The following PKN2 variants were observed in gnomAD, a reference collection of about 807,000 sequenced individuals.
The protein encoded by PKN2 is protein kinase N2.
In PKN2, 38 loss-of-function variants were observed where a neutral mutation model predicts 119.1. The observed-to-expected ratio is 0.32, with a 90% CI of 0.25 to 0.42. The LOEUF (loss-of-function observed/expected upper bound fraction) is 0.42. Among genes scored for constraint, PKN2 ranks in the 10% least tolerant of loss-of-function variants. PKN2 has a pLI of 1.00. For synonymous variants in PKN2, 390 were observed against 384.9 expected (o/e 1.01, Z -0.15); for missense variants, 850 against 1,165.1 (o/e 0.73, Z 3.94).
chr1:88,807,501 T>G (rs1332858876), intron 13 of PKN2, 28 bp from the exon 14 acceptor site: 1 of 1,603,186 alleles, frequency 6.2e-7, no homozygotes, highest in Non-Finnish European at 8.5e-7. Flanking sequence ...TTTATTGTCT[T>G]ATTATTAATT....
chr1:88,765,301 A>C (rs529977845), intron 3 of PKN2, among the ~76,000 whole-genome samples: 1 of 151,146 alleles, frequency 6.6e-6, no homozygotes, highest in African/African-American at 2.4e-5. Flanking sequence ...AAAAAAAGAC[A>C]TGTCTCCTGT....
At position 88,770,969 on chromosome 1, in the gene PKN2, TATTGATCTAG is replaced by T. The variant is rs1475781702; in HGVS notation, c.623-450_623-441del. On this transcript the variant is annotated intron_variant, in intron 4 of 21. Coordinates refer to ENST00000370521, the MANE Select transcript of PKN2 (RefSeq NM_006256.4). The stretch of plus-strand genomic sequence containing the variant: ...ATTTGGCCCTTATGTTTCAAGAAGA[TATTGATCTAG>T]AATGTATCTCTTCATTTAAATAGAT... 2.8e-4 allele frequency among the ~76,000 whole-genome samples: 43 copies of T among 151,918 alleles called. No homozygotes were observed. The East Asian group carries it at 4.1e-3, about 14-fold the overall frequency.
In PKN2 at chr1:88,833,240, T is replaced by A; in HGVS notation, c.2752-5T>A. ...AAACTAGTCATTTTTTATTTTATGATCCAGCTAATTGATTGGAGCGCTCTG... is the reference window on the plus strand; with the variant it reads ...AAACTAGTCATTTTTTATTTTATGAACCAGCTAATTGATTGGAGCGCTCTG... On this transcript the variant is annotated splice_region_variant and splice_polypyrimidine_tract_variant and intron_variant, in intron 21 of 21. Transcript: ENST00000370521. 1 of 1,612,278 alleles carries A rather than the reference T, an allele frequency of 6.2e-7. No homozygotes were observed. Among genetic ancestry groups the A allele is most frequent in the Non-Finnish European group, 8.5e-7 (1 of 1,179,088 alleles).
At chr1:88,710,224 A>G (rs537862876) in intron 1 of PKN2, among the ~76,000 whole-genome samples, 2 of 152,308 alleles carry the variant, frequency 1.3e-5, no homozygotes, top group South Asian at 2.1e-4. Flanking sequence ...CCATATTAGT[A>G]TAGAACATAG....
At chr1:88,789,877 T>C (rs1009040710) in intron 8 of PKN2, among the ~76,000 whole-genome samples, 2 of 152,154 alleles carry the variant, frequency 1.3e-5, no homozygotes, top group Admixed American at 1.3e-4. Context: ...ATTATAACTA[T>C]AAAGATTGTC....
In PKN2 at chr1:88,836,064, C is replaced by T. The variant is rs1672932374; in HGVS notation, c.*2616C>T. 6.6e-6 allele frequency: 1 copy of T among 151,824 alleles called. No homozygotes were observed. The highest frequency in any genetic ancestry group is 2.1e-4 in the South Asian group (1 of 4,826). The allele number at this position is 151,824 out of a possible 1,614,324, so 9.4% of individuals were successfully genotyped here. A position where few individuals can be genotyped will look rare whatever the true frequency, so the allele number is the denominator to read the frequency against. On this transcript the variant is annotated 3_prime_UTR_variant, in exon 22 of 22. Transcript: ENST00000370521. ...TTGAAGCATATTTATGGACTGCTTA[C>T]TGTGTATAGATACTGAGAATAGGAA...
At chr1:88,758,743 G>GGTGT (rs555677535) in intron 2 of PKN2, among the ~76,000 whole-genome samples, 49 of 151,364 alleles carry the variant, frequency 3.2e-4, no homozygotes, top group African/African-American at 9.9e-4. Flanking sequence ...AATATTCCAT[G>GGTGT]GTGTGTGTGT....
At chr1:88,736,774 GGGCGATTATTGTGTTCTTT>G (rs1199043786) in intron 1 of PKN2, among the ~76,000 whole-genome samples, 1 of 152,180 alleles carries the variant, frequency 6.6e-6, no homozygotes, top group Non-Finnish European at 1.5e-5. Context: ...ATTCTAAGCA[GGGCGATTATTGTGTTCTTT>G]GAGCCCTTGG....
chr1:88,821,947 T>C lies in PKN2; in HGVS notation c.2286T>C (p.Tyr762=). The C allele has an allele frequency of 6.3e-7, 1 of 1,576,182 alleles. No individual in the cohort carries two copies. Among genetic ancestry groups the C allele is most frequent in the South Asian group, 1.2e-5 (1 of 83,572 alleles). The part of the protein sequence containing the change: ...DVFSEPRAVF[Y]AACVVLGLQY... Reference sequence around the variant, plus strand: ...GATTTAATTCTTCAAACAGATTTTATGCTGCTTGTGTAGTTCTTGGGTTGC... The same window carrying C: ...GATTTAATTCTTCAAACAGATTTTACGCTGCTTGTGTAGTTCTTGGGTTGC... The change falls in exon 17 of 22, where the codon TAT becomes TAC. Residue 762 remains tyrosine (Y), a synonymous_variant. Coordinates refer to ENST00000370521, the MANE Select transcript of PKN2 (RefSeq NM_006256.4).
In PKN2 at chr1:88,806,147, T is replaced by TTTTTTG. The variant is rs772320852; in HGVS notation, c.1803+148_1803+153dup. 62 of 863,518 alleles carry TTTTTTG rather than the reference T, an allele frequency of 7.2e-5. 1 individual carries two copies. In the South Asian group the frequency reaches 1.0e-3, roughly 14 times the overall value. The allele number at this position is 863,518 out of a possible 1,614,324, so 53.5% of individuals were successfully genotyped here. On this transcript the variant is annotated intron_variant, in intron 12 of 21. Coordinates refer to ENST00000370521, the MANE Select transcript of PKN2 (RefSeq NM_006256.4). ...CTGTGAATTTATGGTTTTTTGTTTG[T>TTTTTTG]TTTTTGTTTTTGTTTTTGTTTTTTG...
intron 1 of PKN2, among the ~76,000 whole-genome samples, chr1:88,697,859 TC>T (rs1182266655): frequency 1.3e-5 from 2 of 152,196 alleles, no homozygotes; most frequent in African/African-American, 4.8e-5. Context: ...TTCCTTATTT[TC>T]CCCTACTCAT....
chr1:88,772,855 C>T (rs191067846), intron 6 of PKN2, among the ~76,000 whole-genome samples: 2 of 151,916 alleles, frequency 1.3e-5, no homozygotes, highest in East Asian at 3.9e-4. Flanking sequence ...TTTTTTCATT[C>T]TTCTTTGATC....
rs147126309 is a variant in PKN2, at chr1:88,713,348, C to T, written c.49-27640C>T. On this transcript the variant is annotated intron_variant, in intron 1 of 21. Transcript: ENST00000370521. Reference sequence around the variant, plus strand: ...TAGTTCTAGATCCTTGAGGAATTGCCACTCTTCTCTTCCACAATGGTTGAA... The same window carrying T: ...TAGTTCTAGATCCTTGAGGAATTGCTACTCTTCTCTTCCACAATGGTTGAA... 3.7e-3 allele frequency among the ~76,000 whole-genome samples: 560 copies of T among 152,246 alleles called. 1 individual carries two copies. Among genetic ancestry groups the T allele is most frequent in the African/African-American group, 0.013 (527 of 41,554 alleles).
In PKN2 at chr1:88,737,746, C is replaced by T. The variant is rs955411049; in HGVS notation, c.49-3242C>T. ...TTCTGCCTGGTGTTGGGTTTCACCA[C>T]GGCAGACCCAGTGCTGAGCTACAAG... On this transcript the variant is annotated intron_variant, in intron 1 of 21. Coordinates refer to ENST00000370521, the MANE Select transcript of PKN2 (RefSeq NM_006256.4). Among the ~76,000 whole-genome samples, 4 of 152,252 alleles carry T rather than the reference C, an allele frequency of 2.6e-5. No individual in the cohort carries two copies. In the South Asian group the frequency reaches 8.3e-4, roughly 32 times the overall value.
rs566602953 is a variant in PKN2, at chr1:88,753,708, T to C, written c.350-6514T>C. Among the ~76,000 whole-genome samples the C allele has an allele frequency of 7.9e-5, 12 of 151,762 alleles. No individual in the cohort carries two copies. The South Asian group carries it at 1.2e-3, about 16-fold the overall frequency. ...AGAGAGTGGGAGGGGCTACACACTT[T>C]TAAACAACCAGATCTCACTATTGTG... is the stretch of plus-strand genomic sequence containing the variant. On this transcript the variant is annotated intron_variant, in intron 2 of 21. Transcript: ENST00000370521.
Position 88,771,797 on chromosome 1 carries a change from A to T in PKN2, c.903A>T (p.Ala301=). ...TTGAAGAACTTTCACTTGTTGCTGC[A>T]TCACCAACACTAAGTCCACGTCAAA... The part of the protein sequence containing the change: ...IIIEELSLVA[A]SPTLSPRQSM... Residue 301 remains alanine (A), a synonymous_variant, in exon 6 of 22, where the codon GCA becomes GCT. Transcript: ENST00000370521. The T allele has an allele frequency of 6.2e-7, 1 of 1,613,852 alleles. No individual in the cohort carries two copies. Among genetic ancestry groups the T allele is most frequent in the East Asian group, 2.2e-5 (1 of 44,832 alleles).
Position 88,760,396 on chromosome 1 carries a change from G to C in PKN2, c.504+20G>C. On this transcript the variant is annotated intron_variant, in intron 3 of 21. Coordinates refer to ENST00000370521, the MANE Select transcript of PKN2 (RefSeq NM_006256.4). ...TCAAAGGTAAGTGTAGTTAATAAATGTAACTATATAGTCAGTCATTATTTG... is the reference window on the plus strand; with the variant it reads ...TCAAAGGTAAGTGTAGTTAATAAATCTAACTATATAGTCAGTCATTATTTG... The C allele has an allele frequency of 1.5e-6, 2 of 1,331,982 alleles. No homozygotes were observed. Among genetic ancestry groups the C allele is most frequent in the Non-Finnish European group, 2.1e-6 (2 of 954,700 alleles). The allele number at this position is 1,331,982 out of a possible 1,614,324, so 82.5% of individuals were successfully genotyped here.
chr1:88,724,511 A>T (rs1348900215), intron 1 of PKN2, among the ~76,000 whole-genome samples: 2 of 150,670 alleles, frequency 1.3e-5, no homozygotes, highest in African/African-American at 4.9e-5. Flanking sequence ...CTAATAATGG[A>T]TCTCATTAAA....
In PKN2 at chr1:88,758,062, A is replaced by AAAAAG. The variant is rs539880214; in HGVS notation, c.350-2159_350-2158insAAAGA. ...TCAAAAAAAAAAAAAAAAAAAAAAA[A>AAAAAG]AGAAGTGTTTCAATAATAATGGATT... On this transcript the variant is annotated intron_variant, in intron 2 of 21. Coordinates refer to ENST00000370521, the MANE Select transcript of PKN2 (RefSeq NM_006256.4). 5.2e-4 allele frequency among the ~76,000 whole-genome samples: 75 copies of AAAAAG among 144,108 alleles called. 1 individual carries two copies. The highest frequency in any genetic ancestry group is 8.1e-4 in the African/African-American group (30 of 37,116). The allele number at this position is 144,108 out of a possible 152,430, so 94.5% of individuals were successfully genotyped here.
Sources: allele counts gnomAD v4.1 joint callset (sites outside exome capture counted in the v4.1 genomes callset), GRCh38; gene constraint gnomAD v4.1.1; transcripts MANE v1.5; gene names NCBI Gene and HGNC (gene_info 2026-07-23, HGNC 2026-07-21).